ANKS1B: variants seen among roughly 807,000 people sequenced by gnomAD.
ANKS1B encodes ankyrin repeat and sterile alpha motif domain-containing protein 1B.
A neutral mutation model predicts 148.3 loss-of-function variants in ANKS1B; 36 were observed. The observed-to-expected ratio is 0.24, with a 90% CI of 0.19 to 0.32. The LOEUF (loss-of-function observed/expected upper bound fraction) is 0.32, where lower values mean the gene tolerates loss of function less well. ANKS1B is among the 10% of genes least tolerant of loss of function. The pLI, the probability that ANKS1B is intolerant of heterozygous loss-of-function variation, is 1.00. For missense variants in ANKS1B, 1,157 were observed against 1,542.6 expected (o/e 0.75, Z 4.19); for synonymous variants, 542 against 560.8 (o/e 0.97, Z 0.47).
At chr12:99,779,224 C>A (rs1052488405) in intron 6 of ANKS1B, among the ~76,000 whole-genome samples, 5 of 152,218 alleles carry the variant, frequency 3.3e-5, no homozygotes, top group Admixed American at 6.5e-5. Flanking sequence ...CTGCCACTAA[C>A]AACAAATGCA....
At chr12:99,040,488 C>T (rs914543091) in intron 17 of ANKS1B, among the ~76,000 whole-genome samples, 1 of 152,140 alleles carries the variant, frequency 6.6e-6, no homozygotes, top group Non-Finnish European at 1.5e-5. Context: ...TGCGGATGTT[C>T]ATTCTGTTGT....
intron 9 of ANKS1B, among the ~76,000 whole-genome samples, chr12:99,637,973 G>C (rs2098258245): frequency 6.6e-6 from 1 of 151,974 alleles, no homozygotes; most frequent in Admixed American, 6.6e-5. Context: ...AAATCACGGG[G>C]ATGGTTACCC....
At chr12:99,418,222 T>C (rs1378893385) in intron 11 of ANKS1B, among the ~76,000 whole-genome samples, 1 of 152,198 alleles carries the variant, frequency 6.6e-6, no homozygotes, top group Non-Finnish European at 1.5e-5. Context: ...ATTTTATCTC[T>C]AGTACAATGG....
At chr12:99,007,065 A>T (rs2099936572) in intron 17 of ANKS1B, among the ~76,000 whole-genome samples, 1 of 151,884 alleles carries the variant, frequency 6.6e-6, no homozygotes. Flanking sequence ...AGCATAAAAA[A>T]TCAGTTAGGA....
intron 4 of ANKS1B, among the ~76,000 whole-genome samples, chr12:99,789,941 G>A (rs1159597955): frequency 6.6e-6 from 1 of 151,898 alleles, no homozygotes; most frequent in Non-Finnish European, 1.5e-5. Flanking sequence ...GGGGTAGAAG[G>A]TTTATTCAAA....
intron 8 of ANKS1B, among the ~76,000 whole-genome samples, chr12:99,771,596 A>AT (rs1366839430): frequency 1.3e-5 from 2 of 152,074 alleles, no homozygotes; most frequent in African/African-American, 4.8e-5. Flanking sequence ...TTAACAGAGG[A>AT]TTTTGTCCCA....
chr12:98,877,024 T>C (rs1316435731), intron 17 of ANKS1B, among the ~76,000 whole-genome samples: 4 of 152,192 alleles, frequency 2.6e-5, no homozygotes, highest in Non-Finnish European at 4.4e-5. Flanking sequence ...ATAGCTAAAT[T>C]ATGCAATTAG....
intron 10 of ANKS1B, among the ~76,000 whole-genome samples, chr12:99,468,786 A>C (rs2096182734): frequency 6.6e-6 from 1 of 152,072 alleles, no homozygotes; most frequent in African/African-American, 2.4e-5. Context: ...AAAGTCAGGA[A>C]ACAACAGGTG....
At chr12:99,198,631 A>G (rs1337158203) in intron 14 of ANKS1B, among the ~76,000 whole-genome samples, 1 of 152,192 alleles carries the variant, frequency 6.6e-6, no homozygotes, top group African/African-American at 2.4e-5. Context: ...ATCTTTCTTG[A>G]TGTGACAAGG....
intron 9 of ANKS1B, among the ~76,000 whole-genome samples, chr12:99,517,414 G>A (rs1274791105): frequency 1.3e-5 from 2 of 151,730 alleles, no homozygotes; most frequent in Non-Finnish European, 2.9e-5. Flanking sequence ...GGAGTCTTTA[G>A]GTTTTTCCAA....
intron 17 of ANKS1B, among the ~76,000 whole-genome samples, chr12:98,873,587 C>T (rs999648032): frequency 7.9e-5 from 12 of 152,150 alleles, no homozygotes; most frequent in African/African-American, 1.2e-4. Context: ...ACCTTGACAA[C>T]CTGAAAAGGT....
At chr12:99,598,548 C>T (rs2097775661) in intron 9 of ANKS1B, among the ~76,000 whole-genome samples, 1 of 152,062 alleles carries the variant, frequency 6.6e-6, no homozygotes, top group Non-Finnish European at 1.5e-5. Context: ...TTCATAACCA[C>T]TGAGGCAGCT....
At chr12:99,073,151 A>C (rs935134916) in intron 16 of ANKS1B, among the ~76,000 whole-genome samples, 3 of 152,232 alleles carry the variant, frequency 2.0e-5, no homozygotes, top group Admixed American at 2.0e-4. Flanking sequence ...TGACCCATTT[A>C]ATTCTACAGA....
intron 1 of ANKS1B, among the ~76,000 whole-genome samples, chr12:99,962,807 G>A (rs1206667031): frequency 6.8e-6 from 1 of 147,656 alleles, no homozygotes; most frequent in Non-Finnish European, 1.5e-5. Context: ...CAGTGATGTT[G>A]AGCTTTTTTT....
chr12:99,611,207 T>TA (rs967863840), intron 9 of ANKS1B, among the ~76,000 whole-genome samples: 1 of 152,138 alleles, frequency 6.6e-6, no homozygotes. Flanking sequence ...TGATCTGGTA[T>TA]AAAACCCTTA....
chr12:99,415,115 A>G (rs946739645), intron 11 of ANKS1B, among the ~76,000 whole-genome samples: 1 of 151,036 alleles, frequency 6.6e-6, no homozygotes, highest in Non-Finnish European at 1.5e-5. Flanking sequence ...TAAAGACCTG[A>G]AAAGCATTTT....
At chr12:99,496,197 T>C (rs2096602682) in intron 10 of ANKS1B, among the ~76,000 whole-genome samples, 1 of 152,178 alleles carries the variant, frequency 6.6e-6, no homozygotes, top group South Asian at 2.1e-4. Flanking sequence ...CTGTACTAAG[T>C]GATTCAAAAT....
At chr12:99,851,103 A>G (rs994281610) in intron 1 of ANKS1B, among the ~76,000 whole-genome samples, 1 of 152,062 alleles carries the variant, frequency 6.6e-6, no homozygotes, top group Non-Finnish European at 1.5e-5. Context: ...TCCAAGCTCT[A>G]GAAACTCAGT....
intron 11 of ANKS1B, among the ~76,000 whole-genome samples, chr12:99,422,651 T>A (rs2095125470): frequency 6.6e-6 from 1 of 152,110 alleles, no homozygotes; most frequent in South Asian, 2.1e-4. Flanking sequence ...TAAAAGGTGG[T>A]TGATGTGTTC....
Sources: gnomAD v4.1 joint callset for allele counts (sites outside exome capture counted in the v4.1 genomes callset) on GRCh38, gnomAD v4.1.1 for gene constraint, MANE v1.5 for transcripts, NCBI Gene and HGNC (gene_info 2026-07-23, HGNC 2026-07-21) for gene names.